The following DCAF6 variants were observed in gnomAD, a reference collection of about 807,000 sequenced individuals.
DCAF6 encodes DDB1- and CUL4-associated factor 6.
DCAF6 carries 54 observed loss-of-function variants against 125.1 expected under a neutral mutation model. The ratio of observed to expected loss-of-function variants is 0.43; its 90% CI spans 0.35 to 0.54. The LOEUF (loss-of-function observed/expected upper bound fraction) is 0.54, where lower values mean the gene tolerates loss of function less well. DCAF6 is among the 20% of genes least tolerant of loss of function. The pLI is 0.01. For synonymous variants in DCAF6, 371 were observed against 390.4 expected (o/e 0.95, Z 0.58); for missense variants, 934 against 1,161.7 (o/e 0.80, Z 2.85).
the DCAF6 span, among the ~76,000 whole-genome samples, chr1:167,872,940 T>C: frequency 6.6e-6 from 1 of 151,444 alleles, no homozygotes; most frequent in Non-Finnish European, 1.5e-5. Context: ...TGTGGTGGTG[T>C]GCACCTGTAA....
At chr1:168,056,844 A>C (rs975764252) in intron 17 of DCAF6, among the ~76,000 whole-genome samples, 1 of 152,236 alleles carries the variant, frequency 6.6e-6, no homozygotes, top group Non-Finnish European at 1.5e-5. Flanking sequence ...TACATTCTAG[A>C]CAAGTATTGA....
intron 1 of DCAF6, among the ~76,000 whole-genome samples, chr1:167,943,952 C>G (rs370570817): frequency 3.3e-5 from 5 of 152,114 alleles, no homozygotes; most frequent in African/African-American, 1.2e-4. Context: ...CATTCTCCTG[C>G]CTCAGCCTCC....
At chr1:168,034,389 C>T (rs1397965924) in intron 12 of DCAF6, among the ~76,000 whole-genome samples, 1 of 152,040 alleles carries the variant, frequency 6.6e-6, no homozygotes, top group Non-Finnish European at 1.5e-5. Context: ...CACACACCTG[C>T]AATCCTAGCT....
At chr1:167,986,391 A>G (rs1680014747) in intron 4 of DCAF6, among the ~76,000 whole-genome samples, 1 of 152,206 alleles carries the variant, frequency 6.6e-6, no homozygotes, top group Non-Finnish European at 1.5e-5. Flanking sequence ...CCATTCGGGT[A>G]TGGTATAGCT....
At chr1:168,036,658 G>C (rs1687846302) in intron 12 of DCAF6, among the ~76,000 whole-genome samples, 2 of 152,172 alleles carry the variant, frequency 1.3e-5, no homozygotes, top group African/African-American at 4.8e-5. Flanking sequence ...TTTTGAAAGA[G>C]GGTCAAGGAT....
At chr1:168,025,685 GTC>G (rs1557994758) in intron 12 of DCAF6, among the ~76,000 whole-genome samples, 4 of 152,072 alleles carry the variant, frequency 2.6e-5, no homozygotes, top group Non-Finnish European at 4.4e-5. Flanking sequence ...ACCACCATTT[GTC>G]TCTCCTAGAT....
intron 11 of DCAF6, among the ~76,000 whole-genome samples, chr1:168,017,239 C>A (rs1445749651): frequency 6.8e-6 from 1 of 147,190 alleles, no homozygotes; most frequent in African/African-American, 2.5e-5. Flanking sequence ...TTTTTTTTTG[C>A]TGTATATAAA....
chr1:168,051,879 CTTT>C (rs775517869), intron 17 of DCAF6, among the ~76,000 whole-genome samples: 2 of 141,832 alleles, frequency 1.4e-5, no homozygotes, highest in Non-Finnish European at 1.6e-5. Context: ...TTATCACTTT[CTTT>C]TTTTTTTTTT....
chr1:167,897,175 T>TA, the DCAF6 span, among the ~76,000 whole-genome samples: 116 of 136,600 alleles, frequency 8.5e-4, no homozygotes, highest in South Asian at 1.9e-3. Context: ...TATTCTTGGT[T>TA]AAAAAAAAAA....
chr1:167,962,231 AACTGTGTCCTT>A (rs1186980606), intron 2 of DCAF6, among the ~76,000 whole-genome samples: 1 of 152,042 alleles, frequency 6.6e-6, no homozygotes, highest in Non-Finnish European at 1.5e-5. Context: ...TTTTGAGTTT[AACTGTGTCCTT>A]ACTGATTTTC....
At chr1:168,014,034 C>T (rs1049489238) in intron 10 of DCAF6, among the ~76,000 whole-genome samples, 2 of 152,110 alleles carry the variant, frequency 1.3e-5, no homozygotes, top group African/African-American at 4.8e-5. Context: ...TCACGGTGCC[C>T]TTCCTGCCTT....
intron 16 of DCAF6, 78 bp from the exon 17 acceptor site, chr1:168,050,813 AG>A: frequency 1.3e-6 from 1 of 762,592 alleles, no homozygotes; most frequent in Non-Finnish European, 1.9e-6. Flanking sequence ...GATGATAAAA[AG>A]GGTGTCCTTA....
At chr1:168,056,541 A>G in intron 17 of DCAF6, 1 of 442,214 alleles carries the variant, frequency 2.3e-6, no homozygotes, top group Non-Finnish European at 3.5e-6. Flanking sequence ...TTATTTTTGA[A>G]TGGAATAATT....
chr1:167,918,594 C>G, the DCAF6 span, among the ~76,000 whole-genome samples: 1 of 133,190 alleles, frequency 7.5e-6, no homozygotes, highest in African/African-American at 2.8e-5. Flanking sequence ...CTGCCAAAAA[C>G]TTTTTTTTTT....
At chr1:167,962,519 G>A in intron 2 of DCAF6, among the ~76,000 whole-genome samples, 1 of 151,998 alleles carries the variant, frequency 6.6e-6, no homozygotes, top group East Asian at 1.9e-4. Context: ...AACTACTCCT[G>A]TTTTCTTTTG....
intron 17 of DCAF6, among the ~76,000 whole-genome samples, chr1:168,060,127 A>G (rs7523437): frequency 0.21 from 32,001 of 152,136 alleles, 4,016 homozygotes; most frequent in Admixed American, 0.37. Flanking sequence ...ATGATTATGT[A>G]TCCAGCTACA....
At chr1:168,011,926 T>A (rs1357212515) in intron 10 of DCAF6, among the ~76,000 whole-genome samples, 1 of 152,000 alleles carries the variant, frequency 6.6e-6, no homozygotes, top group Non-Finnish European at 1.5e-5. Context: ...TGAGCCGAGA[T>A]CACTCCATTG....
chr1:167,871,258 G>A, the DCAF6 span, among the ~76,000 whole-genome samples: 1 of 152,026 alleles, frequency 6.6e-6, no homozygotes, highest in Non-Finnish European at 1.5e-5. Flanking sequence ...TTAATTCAGG[G>A]CTACAAAAAG....
the DCAF6 span, among the ~76,000 whole-genome samples, chr1:167,863,591 G>A: frequency 1.1e-4 from 17 of 152,298 alleles, no homozygotes; most frequent in African/African-American, 2.2e-4. Flanking sequence ...TTCCCTGACC[G>A]GGAAGCAAGG....
Sources: gnomAD v4.1 joint callset for allele counts (sites outside exome capture counted in the v4.1 genomes callset) on GRCh38, gnomAD v4.1.1 for gene constraint, MANE v1.5 for transcripts, NCBI Gene and HGNC (gene_info 2026-07-23, HGNC 2026-07-21) for gene names.